ADAM10: variants seen among roughly 807,000 people sequenced by gnomAD.
ADAM10 encodes ADAM metallopeptidase domain 10.
Under a neutral mutation model 90.1 loss-of-function variants are expected in ADAM10, and 17 were observed. That is an observed-to-expected ratio of 0.19 (90% CI 0.13 to 0.28). ADAM10 has a LOEUF of 0.28. Ranked by LOEUF, ADAM10 falls within the 10% of genes least tolerant of loss-of-function variation. The pLI, the probability that ADAM10 is intolerant of heterozygous loss-of-function variation, is 1.00. For missense variants in ADAM10, 610 were observed against 914.3 expected (o/e 0.67, Z 4.29); for synonymous variants, 310 against 298.6 (o/e 1.04, Z -0.40).
chr15:58,703,712 G>A (rs1170772355), intron 2 of ADAM10: 31 of 152,198 alleles, frequency 2.0e-4, no homozygotes. Flanking sequence ...GGTGGGAAGT[G>A]ATTGGATCAT....
intron 5 of ADAM10, chr15:58,655,499 G>A (rs145548017): frequency 1.3e-3 from 191 of 150,782 alleles, no homozygotes; most frequent in African/African-American, 4.4e-3. Flanking sequence ...AAGCCATGGG[G>A]GATCTGCCCC....
At chr15:58,644,114 C>A in intron 6 of ADAM10, 136 bp from the exon 7 acceptor site, 1 of 670,996 alleles carries the variant, frequency 1.5e-6, no homozygotes, top group East Asian at 2.7e-5. Flanking sequence ...ATATACTGGA[C>A]ATAAATATAA....
chr15:58,708,281 C>T (rs1898368163), intron 2 of ADAM10, among the ~76,000 whole-genome samples: 1 of 152,066 alleles, frequency 6.6e-6, no homozygotes, highest in South Asian at 2.1e-4. Flanking sequence ...CTTTCCGTCA[C>T]ATCAAACTAT....
intron 11 of ADAM10, 99 bp from the exon 12 acceptor site, chr15:58,612,090 A>G: frequency 8.4e-7 from 1 of 1,188,084 alleles, no homozygotes; most frequent in Non-Finnish European, 1.2e-6. Flanking sequence ...ACATAGTACC[A>G]ATTTTTAAAT....
chr15:58,687,975 G>A (rs1229401912), intron 2 of ADAM10, among the ~76,000 whole-genome samples: 1 of 152,168 alleles, frequency 6.6e-6, no homozygotes, highest in Non-Finnish European at 1.5e-5. Context: ...ATCTTTGATT[G>A]TAGGGATAAT....
intron 1 of ADAM10, among the ~76,000 whole-genome samples, chr15:58,720,672 A>G (rs1450607943): frequency 1.3e-5 from 2 of 152,156 alleles, no homozygotes; most frequent in Non-Finnish European, 2.9e-5. Context: ...AAGTGCTGGG[A>G]TTACAGGCAT....
intron 5 of ADAM10, among the ~76,000 whole-genome samples, chr15:58,664,110 AC>A (rs1431233875): frequency 2.0e-5 from 3 of 152,014 alleles, no homozygotes; most frequent in African/African-American, 7.2e-5. Context: ...CTTTGTATGT[AC>A]TGTTCCTCCT....
At chr15:58,668,602 G>A (rs1384617118) in intron 4 of ADAM10, among the ~76,000 whole-genome samples, 1 of 148,792 alleles carries the variant, frequency 6.7e-6, no homozygotes, top group Non-Finnish European at 1.5e-5. Context: ...ACCTCCCCAG[G>A]GAAGTCTTCC....
rs1184454681 is a variant in ADAM10, at chr15:58,610,306, T to C, written c.2016A>G (p.Glu672=). 13 of 1,613,794 alleles carry C rather than the reference T, an allele frequency of 8.1e-6. No individual in the cohort carries two copies. Among genetic ancestry groups the C allele is most frequent in the Admixed American group, 6.7e-5 (4 of 60,016 alleles). ...TAAAAAACATACTTACCACAATCCA[T>C]TCAGCAATGTTTTCATAGAGCTCTG... The part of the protein sequence containing the change: ...FSPELYENIA[E]WIVAHWWAVL... The change falls in exon 14 of 16, where the codon GAA becomes GAG. Residue 672 remains glutamate (E), a synonymous_variant. Transcript: ENST00000260408.
chr15:58,660,828 A>G (rs1294860005), intron 5 of ADAM10, among the ~76,000 whole-genome samples: 2 of 152,240 alleles, frequency 1.3e-5, no homozygotes, highest in African/African-American at 4.8e-5. Flanking sequence ...AAACATTTAG[A>G]CTTTTGAACA....
At chr15:58,745,384 T>C (rs1340110628) in intron 1 of ADAM10, among the ~76,000 whole-genome samples, 7 of 152,192 alleles carry the variant, frequency 4.6e-5, no homozygotes, top group Non-Finnish European at 1.0e-4. Context: ...CCTCAACTAA[T>C]TTTTTCTGTG....
chr15:58,639,205 T>C (rs368930486), intron 8 of ADAM10, among the ~76,000 whole-genome samples: 2 of 152,320 alleles, frequency 1.3e-5, no homozygotes, highest in South Asian at 4.1e-4. Flanking sequence ...CTTTGAGAAC[T>C]TGTTCAAACT....
At chr15:58,702,145 C>A (rs1331288949) in intron 2 of ADAM10, among the ~76,000 whole-genome samples, 1 of 151,980 alleles carries the variant, frequency 6.6e-6, no homozygotes, top group African/African-American at 2.4e-5. Context: ...TCATTTGCAG[C>A]AATATGAATG....
chr15:58,671,999 G>A lies in ADAM10; in HGVS notation c.485-6802C>T, dbSNP rs946161042. On this transcript the variant is annotated intron_variant, in intron 4 of 15. Coordinates refer to ENST00000260408, the MANE Select transcript of ADAM10 (RefSeq NM_001110.4). ...GACTTCAGTTTCCGTCATCTTTAGA[G>A]TGTTGAATCTAGTGCCTTTTACAAT... Among the ~76,000 whole-genome samples the A allele has an allele frequency of 8.6e-5, 13 of 152,004 alleles. 1 individual carries two copies. Among genetic ancestry groups the A allele is most frequent in the South Asian group, 4.2e-4 (2 of 4,804 alleles).
At chr15:58,717,842 G>A in intron 1 of ADAM10, 115 bp from the exon 2 acceptor site, 1 of 1,412,970 alleles carries the variant, frequency 7.1e-7, no homozygotes, top group Non-Finnish European at 9.5e-7. Flanking sequence ...CCTAATCCCA[G>A]CACTATTATG....
chr15:58,711,409 T>C (rs907080570), intron 2 of ADAM10, among the ~76,000 whole-genome samples: 1 of 152,212 alleles, frequency 6.6e-6, no homozygotes, highest in Non-Finnish European at 1.5e-5. Flanking sequence ...TTGTCTAAAC[T>C]TCAAGGTTTT....
At chr15:58,616,193 C>T (rs1895609945) in intron 11 of ADAM10, among the ~76,000 whole-genome samples, 1 of 152,138 alleles carries the variant, frequency 6.6e-6, no homozygotes, top group Non-Finnish European at 1.5e-5. Flanking sequence ...TTGGAGACTT[C>T]AACAGCCCAT....
intron 10 of ADAM10, among the ~76,000 whole-genome samples, chr15:58,625,120 A>T (rs972273604): frequency 1.3e-5 from 2 of 152,176 alleles, no homozygotes; most frequent in Non-Finnish European, 2.9e-5. Context: ...TTAAAAGAAA[A>T]AGATAATGCC....
intron 2 of ADAM10, chr15:58,703,853 C>G (rs1376947969): frequency 6.5e-6 from 1 of 152,750 alleles, no homozygotes; most frequent in Non-Finnish European, 1.5e-5. Flanking sequence ...TCCTGTACAG[C>G]CTGCAGAACC....
Sources: gnomAD v4.1 joint callset for allele counts (sites outside exome capture counted in the v4.1 genomes callset) on GRCh38, gnomAD v4.1.1 for gene constraint, MANE v1.5 for transcripts, NCBI Gene and HGNC (gene_info 2026-07-23, HGNC 2026-07-21) for gene names.